The following ANP32B variants were observed in gnomAD, a reference collection of about 807,000 sequenced individuals.
The protein encoded by ANP32B is acidic nuclear phosphoprotein 32 family member B, also known as acidic leucine-rich nuclear phosphoprotein 32 family member B.
A neutral mutation model predicts 32.2 loss-of-function variants in ANP32B; 6 were observed. The observed-to-expected ratio is 0.19, with a 90% CI of 0.10 to 0.37. The LOEUF is 0.37. Among genes scored for constraint, ANP32B ranks in the 10% least tolerant of loss-of-function variants. The probability of loss-of-function intolerance (pLI) is 1.00; values close to 1 mark genes in which losing one functional copy is unlikely to be tolerated. For synonymous variants in ANP32B, 98 were observed against 105.8 expected (o/e 0.93, Z 0.45); for missense variants, 204 against 289.2 (o/e 0.71, Z 2.14).
At chr9:97,993,449 G>T (rs1408579867) in intron 1 of ANP32B, among the ~76,000 whole-genome samples, 3 of 152,084 alleles carry the variant, frequency 2.0e-5, no homozygotes, top group African/African-American at 7.2e-5. Context: ...AAATATGGTA[G>T]GTTCACTAAA....
intron 6 of ANP32B, among the ~76,000 whole-genome samples, chr9:98,012,817 G>T (rs1243345911): frequency 1.3e-5 from 2 of 152,122 alleles, no homozygotes; most frequent in African/African-American, 4.8e-5. Context: ...TGCAAGTTCC[G>T]CCTCCTAGGT....
intron 4 of ANP32B, among the ~76,000 whole-genome samples, chr9:98,009,877 T>C (rs1038774493): frequency 1.3e-5 from 2 of 152,204 alleles, no homozygotes; most frequent in Admixed American, 6.5e-5. Context: ...TGGAAGCATT[T>C]TTACAGTTTT....
intron 3 of ANP32B, among the ~76,000 whole-genome samples, chr9:97,999,284 C>T (rs920986865): frequency 6.6e-6 from 1 of 152,164 alleles, no homozygotes; most frequent in Non-Finnish European, 1.5e-5. Flanking sequence ...CATGTATTGA[C>T]TATATAGCCT....
At position 98,015,357 on chromosome 9, in the gene ANP32B, T is replaced by C; in HGVS notation, c.689-7T>C. On this transcript the variant is annotated splice_region_variant and splice_polypyrimidine_tract_variant and intron_variant, in intron 6 of 6. Coordinates refer to ENST00000339399, the MANE Select transcript of ANP32B (RefSeq NM_006401.3). ...CTGTCCTAAAGTCAATTTTTGTTAC[T>C]GTACAGAGGAGGAAGAAGGTGGGAA... The C allele has an allele frequency of 6.4e-7, 1 of 1,550,688 alleles. No individual in the cohort carries two copies. The highest frequency in any genetic ancestry group is 8.7e-7 in the Non-Finnish European group (1 of 1,146,682).
Position 98,011,290 on chromosome 9 carries a change from C to T in ANP32B, c.537C>T (p.Asp179=), listed in dbSNP as rs553733827. The change falls in exon 5 of 7, where the codon GAC becomes GAT. Residue 179 remains aspartate, a synonymous_variant. Transcript: ENST00000339399. ...EEDEEGEDEE[D]EDDEDGEEEE... Reference sequence around the variant, plus strand: ...TTTTAGAAGGAGAAGATGAGGAAGACGAGGACGATGAGGATGGTGAAGAAG... The same window carrying T: ...TTTTAGAAGGAGAAGATGAGGAAGATGAGGACGATGAGGATGGTGAAGAAG... 1.1e-4 allele frequency: 165 copies of T among 1,549,122 alleles called. 2 individuals carry two copies. In the South Asian group the frequency reaches 1.7e-3, roughly 16 times the overall value.
rs1447423484 is a variant in ANP32B at position 97,998,858 on chromosome 9, A to G, written c.327+180A>G. Reference sequence around the variant, plus strand: ...AGTCTCGCTCTGTCGCCCAGGCTGGAGTGCAGTGGCGGGATCTCGGCTCAC... The same window carrying G: ...AGTCTCGCTCTGTCGCCCAGGCTGGGGTGCAGTGGCGGGATCTCGGCTCAC... On this transcript the variant is annotated intron_variant, in intron 3 of 6. Coordinates refer to ENST00000339399, the MANE Select transcript of ANP32B (RefSeq NM_006401.3). Among the ~76,000 whole-genome samples, 7 of 17,432 alleles carry G rather than the reference A, an allele frequency of 4.0e-4. 3 individuals carry two copies. Among genetic ancestry groups the G allele is most frequent in the Admixed American group, 2.5e-3 (4 of 1,624 alleles). The allele number at this position is 17,432 out of a possible 152,430, so 11.4% of individuals were successfully genotyped here.
intron 1 of ANP32B, among the ~76,000 whole-genome samples, chr9:97,984,364 C>T (rs1296584141): frequency 6.6e-6 from 1 of 151,476 alleles, no homozygotes; most frequent in Non-Finnish European, 1.5e-5. Context: ...CCCGTTCTCT[C>T]GCTCCCTCTT....
intron 4 of ANP32B, among the ~76,000 whole-genome samples, chr9:98,006,108 A>C (rs532026803): frequency 6.6e-6 from 1 of 152,116 alleles, no homozygotes; most frequent in African/African-American, 2.4e-5. Flanking sequence ...TGAGGTGGTG[A>C]TGCTAGAGCT....
At chr9:97,996,667 C>T (rs1827911309) in intron 2 of ANP32B, among the ~76,000 whole-genome samples, 1 of 152,072 alleles carries the variant, frequency 6.6e-6, no homozygotes, top group South Asian at 2.1e-4. Context: ...CATCTCGGCT[C>T]ACTGCAACCT....
At chr9:97,992,613 T>C (rs1827846740) in intron 1 of ANP32B, among the ~76,000 whole-genome samples, 1 of 152,232 alleles carries the variant, frequency 6.6e-6, no homozygotes, top group African/African-American at 2.4e-5. Flanking sequence ...GATAAAATTA[T>C]AGAAACTCTC....
At chr9:97,983,828 G>T (rs887601892) in intron 1 of ANP32B, among the ~76,000 whole-genome samples, 1 of 152,006 alleles carries the variant, frequency 6.6e-6, no homozygotes, top group African/African-American at 2.4e-5. Context: ...GGGGGAGGCA[G>T]CGGTGTGGGG....
At chr9:97,998,360 C>T (rs747521706) in intron 2 of ANP32B, among the ~76,000 whole-genome samples, 196 bp from the exon 3 acceptor site, 4 of 152,140 alleles carry the variant, frequency 2.6e-5, no homozygotes, top group Non-Finnish European at 4.4e-5. Flanking sequence ...ATTAGGAAAA[C>T]ACAATACTTC....
intron 4 of ANP32B, among the ~76,000 whole-genome samples, chr9:98,008,378 C>T (rs1024540471): frequency 1.3e-5 from 2 of 152,210 alleles, no homozygotes; most frequent in South Asian, 4.1e-4. Context: ...TACTTCCCAA[C>T]CACAAAAGAC....
chr9:98,009,985 C>T lies in ANP32B; in HGVS notation c.518-1286C>T, dbSNP rs573727357. Among the ~76,000 whole-genome samples the T allele has an allele frequency of 6.6e-5, 10 of 152,052 alleles. No homozygotes were observed. In the South Asian group the frequency reaches 1.0e-3, roughly 16 times the overall value. ...CTCACTTATTTCCAAATGTTATGTC[C>T]CTTTGTCCCTTCTACAGTTTTTCCA... On this transcript the variant is annotated intron_variant, in intron 4 of 6. Coordinates refer to ENST00000339399, the MANE Select transcript of ANP32B (RefSeq NM_006401.3).
At chr9:97,995,240 C>T (rs182368425) in intron 2 of ANP32B, among the ~76,000 whole-genome samples, 4 of 152,178 alleles carry the variant, frequency 2.6e-5, no homozygotes, top group Non-Finnish European at 5.9e-5. Flanking sequence ...AAACTTTGCT[C>T]CTCTAACCCA....
At chr9:97,997,394 C>T (rs906483973) in intron 2 of ANP32B, among the ~76,000 whole-genome samples, 7 of 152,158 alleles carry the variant, frequency 4.6e-5, no homozygotes, top group Non-Finnish European at 1.5e-5. Flanking sequence ...TTACTCTACT[C>T]TGCATCATAT....
At chr9:97,988,701 G>A (rs1827777234) in intron 1 of ANP32B, among the ~76,000 whole-genome samples, 1 of 151,930 alleles carries the variant, frequency 6.6e-6, no homozygotes, top group Admixed American at 6.6e-5. Context: ...CTCCAGCATA[G>A]GCAAAAGAGC....
chr9:98,010,088 C>T (rs1828154345), intron 4 of ANP32B, among the ~76,000 whole-genome samples: 1 of 151,968 alleles, frequency 6.6e-6, no homozygotes, highest in Non-Finnish European at 1.5e-5. Flanking sequence ...TGTGCAAGAG[C>T]CAGTAAAGGA....
intron 1 of ANP32B, among the ~76,000 whole-genome samples, chr9:97,985,322 C>T (rs1320196489): frequency 1.3e-5 from 2 of 151,966 alleles, no homozygotes; most frequent in African/African-American, 4.8e-5. Context: ...TCACCACTAA[C>T]GCGGGGCGGG....
Sources: gnomAD v4.1 joint callset for allele counts (sites outside exome capture counted in the v4.1 genomes callset) on GRCh38, gnomAD v4.1.1 for gene constraint, MANE v1.5 for transcripts, NCBI Gene and HGNC (gene_info 2026-07-23, HGNC 2026-07-21) for gene names.